The following NAA11 variants were observed in gnomAD, a reference collection of about 807,000 sequenced individuals.
NAA11 encodes N-alpha-acetyltransferase 11, NatA catalytic subunit.
NAA11 carries 15 observed loss-of-function variants against 16.1 expected under a neutral mutation model. The ratio of observed to expected loss-of-function variants is 0.93; its 90% confidence interval spans 0.62 to 1.44. The LOEUF is 1.44. Ranked by LOEUF, NAA11 falls within the 40% of genes most tolerant of loss-of-function variation. The probability of loss-of-function intolerance (pLI) is 0.00; values close to 1 mark genes in which losing one functional copy is unlikely to be tolerated. For missense variants in NAA11, 298 were observed against 291.3 expected (o/e 1.02, Z -0.17); for synonymous variants, 122 against 112.4 (o/e 1.09, Z -0.54).
intron 1 of NAA11, among the ~76,000 whole-genome samples, chr4:79,300,150 T>C (rs1321207407): frequency 1.3e-5 from 2 of 152,182 alleles, no homozygotes; most frequent in Non-Finnish European, 2.9e-5. Flanking sequence ...AAAAATAACA[T>C]TGAGAACTGC....
the NAA11 span, among the ~76,000 whole-genome samples, chr4:79,207,868 A>G: frequency 2.0e-5 from 3 of 152,148 alleles, no homozygotes; most frequent in Non-Finnish European, 4.4e-5. Flanking sequence ...ACTGTCTTCT[A>G]TGGGGTGGAT....
chr4:79,204,219 T>A, the NAA11 span, among the ~76,000 whole-genome samples: 1 of 151,894 alleles, frequency 6.6e-6, no homozygotes, highest in Non-Finnish European at 1.5e-5. Flanking sequence ...AAAAGGCTCA[T>A]GACAATGTTG....
chr4:79,223,362 G>T (rs1034309670), downstream of NAA11, among the ~76,000 whole-genome samples: 19 of 150,118 alleles, frequency 1.3e-4, no homozygotes, highest in African/African-American at 4.7e-4. Context: ...GGATGAAATT[G>T]GAAATCATCA....
the NAA11 span, among the ~76,000 whole-genome samples, chr4:79,210,188 G>A: frequency 6.6e-6 from 1 of 152,114 alleles, no homozygotes; most frequent in South Asian, 2.1e-4. Context: ...GGAGGGTGGC[G>A]GGATTGGAGC....
chr4:79,309,832 C>T (rs1210032082), intron 1 of NAA11, among the ~76,000 whole-genome samples: 2 of 149,898 alleles, frequency 1.3e-5, no homozygotes, highest in Non-Finnish European at 3.0e-5. Context: ...TCTTCTGCCT[C>T]AGCCCCTCCA....
rs922347484 is a variant in NAA11, at chr4:79,326,031, G to C, written c.-154C>G. 3.1e-6 allele frequency: 2 copies of C among 648,288 alleles called. No individual in the cohort carries two copies. Among genetic ancestry groups the C allele is most frequent in the South Asian group, 2.1e-5 (1 of 48,640 alleles). 40.2% of individuals were successfully genotyped at this position (648,288 alleles called of 1,614,324 possible). On this transcript the variant is annotated 5_prime_UTR_variant, in exon 1 of 2. Coordinates refer to ENST00000286794, the MANE Select transcript of NAA11 (RefSeq NM_032693.3). ...AGGGCGGATGGCGGGAAGGCGGAAG[G>C]AGCAGGAGATGGAAAAGATGGTGCC...
At chr4:79,219,565 G>A in the NAA11 span, among the ~76,000 whole-genome samples, 1 of 152,022 alleles carries the variant, frequency 6.6e-6, no homozygotes, top group Non-Finnish European at 1.5e-5. Flanking sequence ...TTGATTTCCT[G>A]TTATTTGTGC....
At chr4:79,229,229 GT>G (rs544969734) in intron 2 of NAA11, among the ~76,000 whole-genome samples, 12 of 151,576 alleles carry the variant, frequency 7.9e-5, no homozygotes, top group East Asian at 5.8e-4. Flanking sequence ...TGCATTTTGG[GT>G]TTTTTTATAT....
At chr4:79,186,627 C>T in the NAA11 span, among the ~76,000 whole-genome samples, 2 of 152,198 alleles carry the variant, frequency 1.3e-5, no homozygotes, top group African/African-American at 4.8e-5. Flanking sequence ...AGCACATTCT[C>T]AGCTGTACCA....
intron 2 of NAA11, among the ~76,000 whole-genome samples, chr4:79,276,502 C>T (rs910991551): frequency 1.5e-4 from 23 of 152,160 alleles, no homozygotes; most frequent in Non-Finnish European, 2.9e-5. Flanking sequence ...CTTTGTGTCT[C>T]CCATGACAGG....
the NAA11 span, among the ~76,000 whole-genome samples, chr4:79,181,551 C>CT: frequency 6.6e-6 from 1 of 152,272 alleles, no homozygotes; most frequent in East Asian, 1.9e-4. Context: ...GGGAAGGAGA[C>CT]TAAGAGACCA....
downstream of NAA11, among the ~76,000 whole-genome samples, chr4:79,316,236 A>AAAAT (rs1332701811): frequency 2.0e-5 from 3 of 152,248 alleles, no homozygotes; most frequent in Non-Finnish European, 4.4e-5. Context: ...GTAATATTTA[A>AAAAT]AAATAAAGAG....
At chr4:79,183,192 A>C in the NAA11 span, among the ~76,000 whole-genome samples, 1 of 152,120 alleles carries the variant, frequency 6.6e-6, no homozygotes, top group Non-Finnish European at 1.5e-5. Context: ...AATCTGTGGG[A>C]GGTTACTAGG....
the NAA11 span, among the ~76,000 whole-genome samples, chr4:79,202,799 C>T: frequency 6.7e-6 from 1 of 150,044 alleles, no homozygotes. Context: ...AAGTTAATTT[C>T]TATGGCTATT....
intron 2 of NAA11, among the ~76,000 whole-genome samples, chr4:79,271,600 G>A (rs1440846571): frequency 6.6e-6 from 1 of 151,990 alleles, no homozygotes; most frequent in Non-Finnish European, 1.5e-5. Flanking sequence ...TAAAGAGTGA[G>A]CTAATATTGG....
At chr4:79,305,441 A>G (rs1723548448) in intron 1 of NAA11, among the ~76,000 whole-genome samples, 1 of 152,212 alleles carries the variant, frequency 6.6e-6, no homozygotes, top group African/African-American at 2.4e-5. Context: ...TTATGTGCCT[A>G]AAATTTCACA....
At chr4:79,189,145 C>CAAAAAAAAAA in the NAA11 span, among the ~76,000 whole-genome samples, 6 of 42,290 alleles carry the variant, frequency 1.4e-4, 1 homozygote, top group Non-Finnish European at 2.4e-4. Flanking sequence ...GACTCCATCT[C>CAAAAAAAAAA]AAAAAAAAAA....
the NAA11 span, among the ~76,000 whole-genome samples, chr4:79,161,096 G>A: frequency 6.6e-6 from 1 of 152,132 alleles, no homozygotes; most frequent in East Asian, 1.9e-4. Flanking sequence ...TTCATTTTGA[G>A]GGTTTTCTTT....
At chr4:79,250,096 C>T (rs1721959476) in intron 2 of NAA11, among the ~76,000 whole-genome samples, 2 of 152,248 alleles carry the variant, frequency 1.3e-5, no homozygotes, top group African/African-American at 4.8e-5. Context: ...GCACAGGAAA[C>T]CACATTTCTG....
Sources: allele counts gnomAD v4.1 joint callset (sites outside exome capture counted in the v4.1 genomes callset), GRCh38; gene constraint gnomAD v4.1.1; transcripts MANE v1.5; gene names NCBI Gene and HGNC (gene_info 2026-07-23, HGNC 2026-07-21).